BTRC: variants seen among roughly 807,000 people sequenced by gnomAD.
BTRC encodes the protein F-box/WD repeat-containing protein 1A.
In BTRC, 42 loss-of-function variants were observed where a neutral mutation model predicts 85.5. The observed-to-expected ratio is 0.49, with a 90% confidence interval of 0.38 to 0.64. The LOEUF (loss-of-function observed/expected upper bound fraction) is 0.64, where lower values mean the gene tolerates loss of function less well. Ranked by LOEUF, BTRC falls within the 30% of genes least tolerant of loss-of-function variation. The pLI, the probability that BTRC is intolerant of heterozygous loss-of-function variation, is 0.00. For synonymous variants in BTRC, 255 were observed against 263.3 expected, an observed-to-expected ratio of 0.97 and a Z score of 0.30; for missense variants, 594 against 743.5, an observed-to-expected ratio of 0.80 and a Z score of 2.34.
At chr10:101,490,185 T>C (rs1946092978) in intron 4 of BTRC, among the ~76,000 whole-genome samples, 1 of 152,006 alleles carries the variant, frequency 6.6e-6, no homozygotes, top group Non-Finnish European at 1.5e-5. Context: ...GGAAGATCTT[T>C]TCCTTCCCTT....
At chr10:101,533,488 C>T (rs1416552995) in intron 9 of BTRC, among the ~76,000 whole-genome samples, 2 of 152,170 alleles carry the variant, frequency 1.3e-5, no homozygotes, top group Non-Finnish European at 2.9e-5. Flanking sequence ...TTGCCAGCCC[C>T]TCCCCTGCCA....
At chr10:101,523,586 A>C (rs1388739034) in intron 5 of BTRC, among the ~76,000 whole-genome samples, 1 of 152,176 alleles carries the variant, frequency 6.6e-6, no homozygotes, top group African/African-American at 2.4e-5. Context: ...AACTTAGAAA[A>C]TATTTAAAAA....
At chr10:101,468,405 G>A (rs963413004) in intron 3 of BTRC, among the ~76,000 whole-genome samples, 1 of 151,788 alleles carries the variant, frequency 6.6e-6, no homozygotes, top group African/African-American at 2.4e-5. Context: ...GGCGGGGGGT[G>A]GGGTGGGAGG....
At chr10:101,397,476 T>C (rs964087536) in intron 1 of BTRC, among the ~76,000 whole-genome samples, 1 of 152,226 alleles carries the variant, frequency 6.6e-6, no homozygotes, top group Admixed American at 6.5e-5. Flanking sequence ...AGTACCACCA[T>C]GTGTAGACAG....
intron 4 of BTRC, among the ~76,000 whole-genome samples, chr10:101,485,596 G>A (rs1471486162): frequency 6.6e-6 from 1 of 152,116 alleles, no homozygotes; most frequent in Non-Finnish European, 1.5e-5. Flanking sequence ...TTGAACTACC[G>A]TGTTTCTGTA....
At chr10:101,481,560 G>GTT (rs372873543) in intron 4 of BTRC, among the ~76,000 whole-genome samples, 1 of 117,818 alleles carries the variant, frequency 8.5e-6, no homozygotes. Flanking sequence ...ATGATGTGGA[G>GTT]TTTTTTTTTT....
intron 3 of BTRC, among the ~76,000 whole-genome samples, chr10:101,463,764 T>A (rs1945291399): frequency 6.6e-6 from 1 of 152,156 alleles, no homozygotes. Flanking sequence ...TCTCAGTGTT[T>A]CCAAAGCGTT....
intron 4 of BTRC, among the ~76,000 whole-genome samples, chr10:101,487,786 CAG>C (rs1274964007): frequency 2.0e-5 from 3 of 152,068 alleles, no homozygotes; most frequent in Non-Finnish European, 2.9e-5. Context: ...AGAGTGGAAA[CAG>C]AGGGAATGAT....
At chr10:101,354,101 G>C (rs2134448306), upstream of BTRC, 1 of 1,495,258 alleles carries the variant, frequency 6.7e-7, no homozygotes, top group East Asian at 2.5e-5. Flanking sequence ...GAGGAGGCGG[G>C]ATCCGGGCGC....
intron 2 of BTRC, among the ~76,000 whole-genome samples, chr10:101,459,629 A>G (rs1945170440): frequency 1.3e-5 from 2 of 152,200 alleles, no homozygotes; most frequent in Admixed American, 6.5e-5. Flanking sequence ...TAACAATACC[A>G]TTTAAATATT....
chr10:101,385,802 C>G (rs2133970074), intron 1 of BTRC, among the ~76,000 whole-genome samples: 1 of 149,298 alleles, frequency 6.7e-6, no homozygotes, highest in South Asian at 2.1e-4. Flanking sequence ...ATCTATGGAC[C>G]CTGGGTTAAG....
chr10:101,378,236 A>C (rs900503984), intron 1 of BTRC, among the ~76,000 whole-genome samples: 1 of 152,124 alleles, frequency 6.6e-6, no homozygotes, highest in African/African-American at 2.4e-5. Context: ...AGCAAACTTA[A>C]ATGATTGCTA....
At chr10:101,445,989 C>T (rs999195958) in intron 2 of BTRC, among the ~76,000 whole-genome samples, 3 of 152,182 alleles carry the variant, frequency 2.0e-5, no homozygotes, top group South Asian at 2.1e-4. Context: ...GGCACTGGGA[C>T]GGAAGATTGC....
chr10:101,463,528 G>A (rs1564788200), intron 3 of BTRC, among the ~76,000 whole-genome samples: 1 of 152,142 alleles, frequency 6.6e-6, no homozygotes, highest in Non-Finnish European at 1.5e-5. Context: ...CTGAGCAGCA[G>A]TAAAAATAAT....
intron 1 of BTRC, among the ~76,000 whole-genome samples, chr10:101,365,258 A>G (rs1422581699): frequency 6.6e-6 from 1 of 150,916 alleles, no homozygotes; most frequent in East Asian, 2.0e-4. Context: ...GTTTTAGTAG[A>G]GATGGGGTTT....
intron 1 of BTRC, among the ~76,000 whole-genome samples, chr10:101,396,068 C>G (rs1943354285): frequency 1.3e-5 from 2 of 151,730 alleles, no homozygotes; most frequent in African/African-American, 4.8e-5. Context: ...GGGATCTGAA[C>G]TTATTGATTT....
At position 101,384,126 on chromosome 10, in the gene BTRC, G is replaced by A. The variant is rs922838555; in HGVS notation, c.48+29898G>A. On this transcript the variant is annotated intron_variant, in intron 1 of 14. Transcript: ENST00000370187. The stretch of plus-strand genomic sequence containing the variant: ...CCATAGTGATCAGTTTGTGCTTTCA[G>A]TATTTAAGTAATCTCTGTTATACTT... Among the ~76,000 whole-genome samples the A allele has an allele frequency of 7.9e-5, 12 of 152,300 alleles. No individual in the cohort carries two copies. In the East Asian group the frequency reaches 9.6e-4, roughly 12 times the overall value.
chr10:101,505,637 A>T (rs372290558), intron 4 of BTRC, among the ~76,000 whole-genome samples: 5 of 126,940 alleles, frequency 3.9e-5, no homozygotes, highest in Non-Finnish European at 5.6e-5. Flanking sequence ...TAAAAAAAAA[A>T]AAATAATAAT....
chr10:101,366,967 A>AT (rs1301633409), intron 1 of BTRC, among the ~76,000 whole-genome samples: 4 of 30,024 alleles, frequency 1.3e-4, no homozygotes, highest in Admixed American at 7.0e-4. Context: ...TATTTATATA[A>AT]ATATATATTT....
Sources: allele counts gnomAD v4.1 joint callset (sites outside exome capture counted in the v4.1 genomes callset), GRCh38; gene constraint gnomAD v4.1.1; transcripts MANE v1.5; gene names NCBI Gene and HGNC (gene_info 2026-07-23, HGNC 2026-07-21).